Variants in WWOX observed in about 807,000 individuals in gnomAD.
WWOX encodes WW domain containing oxidoreductase.
A neutral mutation model predicts 46.2 loss-of-function variants in WWOX; 69 were observed. That is an observed-to-expected ratio of 1.49 (90% confidence interval 1.23 to 1.82). The LOEUF (loss-of-function observed/expected upper bound fraction) is 1.82. Among genes scored for constraint, WWOX ranks in the 40% most tolerant of loss-of-function variants. The pLI is 0.00. For missense variants in WWOX, 919 were observed against 542.6 expected (o/e 1.69, Z -6.89); for synonymous variants, 359 against 202.6 (o/e 1.77, Z -6.56).
chr16:79,183,243 G>T (rs2050947794), intron 8 of WWOX, among the ~76,000 whole-genome samples: 2 of 152,176 alleles, frequency 1.3e-5, no homozygotes, highest in African/African-American at 2.4e-5. Flanking sequence ...TCCTTTTCTT[G>T]CAAACCTAAT....
intron 5 of WWOX, among the ~76,000 whole-genome samples, chr16:78,335,516 C>T (rs1484923312): frequency 6.6e-6 from 1 of 152,096 alleles, no homozygotes; most frequent in Non-Finnish European, 1.5e-5. Context: ...TTTTCTTCAT[C>T]CTATCATTTA....
chr16:78,842,664 G>C (rs953979669), intron 8 of WWOX, among the ~76,000 whole-genome samples: 1 of 152,064 alleles, frequency 6.6e-6, no homozygotes, highest in African/African-American at 2.4e-5. Context: ...AGGAGTTTGA[G>C]AACATCCAGG....
intron 8 of WWOX, among the ~76,000 whole-genome samples, chr16:78,882,206 A>G (rs941450176): frequency 1.3e-5 from 2 of 152,226 alleles, no homozygotes; most frequent in African/African-American, 4.8e-5. Flanking sequence ...TAAGTGTCAT[A>G]AAGCCAATAC....
intron 8 of WWOX, among the ~76,000 whole-genome samples, chr16:78,477,850 G>A (rs569951900): frequency 2.0e-5 from 3 of 152,196 alleles, no homozygotes; most frequent in African/African-American, 7.2e-5. Flanking sequence ...CTTTTACTAT[G>A]TACTGTATTA....
intron 8 of WWOX, among the ~76,000 whole-genome samples, chr16:79,070,147 A>G (rs1012456208): frequency 6.6e-6 from 1 of 152,210 alleles, no homozygotes; most frequent in Admixed American, 6.5e-5. Flanking sequence ...CTATTTCCCT[A>G]ATACCAAGGC....
intron 8 of WWOX, among the ~76,000 whole-genome samples, chr16:78,705,224 AT>A (rs2048305994): frequency 6.6e-6 from 1 of 152,062 alleles, no homozygotes; most frequent in Non-Finnish European, 1.5e-5. Context: ...ATGTATGTGG[AT>A]TTTTCATCTG....
At chr16:78,346,136 T>A (rs2081090698) in intron 5 of WWOX, among the ~76,000 whole-genome samples, 1 of 121,538 alleles carries the variant, frequency 8.2e-6, no homozygotes, top group Non-Finnish European at 2.0e-5. Flanking sequence ...TAGTACTTGT[T>A]CTGCATCTGG....
intron 8 of WWOX, among the ~76,000 whole-genome samples, chr16:78,818,135 A>G (rs1341407680): frequency 6.6e-6 from 1 of 152,114 alleles, no homozygotes; most frequent in East Asian, 1.9e-4. Flanking sequence ...TTGACTCGTG[A>G]TTGGGTGGGC....
intron 5 of WWOX, among the ~76,000 whole-genome samples, chr16:78,190,462 A>T (rs1328044036): frequency 6.6e-6 from 1 of 152,160 alleles, no homozygotes; most frequent in Non-Finnish European, 1.5e-5. Context: ...CCTATCCAGT[A>T]TACCTAGTGA....
At chr16:78,683,076 C>G (rs900711936) in intron 8 of WWOX, among the ~76,000 whole-genome samples, 4 of 152,172 alleles carry the variant, frequency 2.6e-5, no homozygotes, top group Non-Finnish European at 5.9e-5. Flanking sequence ...AACCTGGGTT[C>G]TGACTCCAGA....
intron 8 of WWOX, among the ~76,000 whole-genome samples, chr16:78,664,513 C>A (rs908037665): frequency 6.6e-6 from 1 of 152,212 alleles, no homozygotes; most frequent in Non-Finnish European, 1.5e-5. Context: ...TGTCCCCTCT[C>A]ACTAGCAGGG....
chr16:78,454,603 T>A (rs751188583), intron 8 of WWOX, among the ~76,000 whole-genome samples: 69 of 152,158 alleles, frequency 4.5e-4, no homozygotes, highest in Admixed American at 2.4e-3. Context: ...CTTCCCAGGA[T>A]CAAGCGATTC....
intron 5 of WWOX, among the ~76,000 whole-genome samples, chr16:78,349,069 G>A (rs551483391): frequency 1.7e-5 from 2 of 120,446 alleles, no homozygotes; most frequent in South Asian, 5.0e-4. Flanking sequence ...CATAGTTGTG[G>A]AGCCTAGAAT....
intron 8 of WWOX, among the ~76,000 whole-genome samples, chr16:78,810,267 T>G (rs1449809886): frequency 1.3e-5 from 2 of 152,230 alleles, no homozygotes; most frequent in Non-Finnish European, 2.9e-5. Context: ...TGATCTGCAA[T>G]TTCCACCTGG....
intron 6 of WWOX, among the ~76,000 whole-genome samples, chr16:78,410,278 C>T (rs1411156588): frequency 6.6e-6 from 1 of 152,168 alleles, no homozygotes; most frequent in East Asian, 1.9e-4. Context: ...TATCCAGCCT[C>T]AGTTACTTCT....
chr16:78,482,231 C>T (rs766804278), intron 8 of WWOX, among the ~76,000 whole-genome samples: 2 of 152,042 alleles, frequency 1.3e-5, no homozygotes, highest in Admixed American at 6.6e-5. Context: ...CAAATAACTC[C>T]ATAATTTTTT....
chr16:79,119,530 T>C (rs2049585266), intron 8 of WWOX, among the ~76,000 whole-genome samples: 1 of 152,238 alleles, frequency 6.6e-6, no homozygotes, highest in Non-Finnish European at 1.5e-5. Context: ...GTGACGTTCA[T>C]ATGATGTTTT....
chr16:78,750,120 G>C (rs1318320554), intron 8 of WWOX, among the ~76,000 whole-genome samples: 1 of 152,210 alleles, frequency 6.6e-6, no homozygotes, highest in African/African-American at 2.4e-5. Flanking sequence ...CAAGGAAGAA[G>C]AGAAATGAAA....
chr16:78,526,830 TGGGA>T (rs1369515752), intron 8 of WWOX, among the ~76,000 whole-genome samples: 1 of 152,126 alleles, frequency 6.6e-6, no homozygotes, highest in Admixed American at 6.6e-5. Flanking sequence ...GAGGGGGGTC[TGGGA>T]GGGAGGAGCC....
Sources: gnomAD v4.1 joint callset for allele counts (sites outside exome capture counted in the v4.1 genomes callset) on GRCh38, gnomAD v4.1.1 for gene constraint, MANE v1.5 for transcripts, NCBI Gene and HGNC (gene_info 2026-07-23, HGNC 2026-07-21) for gene names.